The following DDAH1 variants were observed in gnomAD, a reference collection of about 807,000 sequenced individuals.
DDAH1 encodes the protein dimethylarginine dimethylaminohydrolase 1, also known as N(G),N(G)-dimethylarginine dimethylaminohydrolase 1.
A neutral mutation model predicts 28.8 loss-of-function variants in DDAH1; 19 were observed. That is an observed-to-expected ratio of 0.66 (90% CI 0.46 to 0.97). DDAH1 has a LOEUF of 0.97. Among genes scored for constraint, DDAH1 ranks in the 50% least tolerant of loss-of-function variants. The pLI, the probability that DDAH1 is intolerant of heterozygous loss-of-function variation, is 0.00. For missense variants in DDAH1, 326 were observed against 375.9 expected, an observed-to-expected ratio of 0.87 and a Z score of 1.10; for synonymous variants, 153 against 154.4, an observed-to-expected ratio of 0.99 and a Z score of 0.07.
intron 1 of DDAH1, among the ~76,000 whole-genome samples, chr1:85,545,829 T>C (rs1658605867): frequency 6.6e-6 from 1 of 152,082 alleles, no homozygotes; most frequent in South Asian, 2.1e-4. Flanking sequence ...TCCCATGTAT[T>C]GCCTACTTCT....
In DDAH1 at chr1:85,535,215, A is replaced by G. The variant is rs556535850; in HGVS notation, c.-122-38934T>C. 2.4e-4 allele frequency among the ~76,000 whole-genome samples: 37 copies of G among 152,306 alleles called. No individual in the cohort carries two copies. In the East Asian group the frequency reaches 5.8e-3, roughly 24 times the overall value. On this transcript the variant is annotated intron_variant, in intron 1 of 6. Coordinates refer to the DDAH1 transcript ENST00000426972. ...CTTCAAAATATACGTGGGGCATAAA[A>G]TAAAACACTTTGGCTTTCTTTCACC...
chr1:85,331,716 A>C (rs1647778681), intron 4 of DDAH1, among the ~76,000 whole-genome samples: 1 of 152,218 alleles, frequency 6.6e-6, no homozygotes, highest in African/African-American at 2.4e-5. Flanking sequence ...CTTTCCACAG[A>C]CTAGTTCAAA....
chr1:85,561,843 C>G (rs965802028), intron 1 of DDAH1, among the ~76,000 whole-genome samples: 1 of 152,182 alleles, frequency 6.6e-6, no homozygotes, highest in Admixed American at 6.5e-5. Context: ...GGCTACTGTT[C>G]TAATTTTGAC....
chr1:85,421,370 C>T (rs766145684), intron 1 of DDAH1, among the ~76,000 whole-genome samples: 1 of 152,180 alleles, frequency 6.6e-6, no homozygotes, highest in Admixed American at 6.5e-5. Flanking sequence ...CTCCTCCACC[C>T]GCTTCAGTGA....
upstream of DDAH1, among the ~76,000 whole-genome samples, chr1:85,466,832 C>CTTTTTTTTTTTTTTTTTT (rs10675813): frequency 4.4e-3 from 308 of 70,712 alleles, 40 homozygotes; most frequent in Non-Finnish European, 4.9e-3. Flanking sequence ...ATTATTTATT[C>CTTTTTTTTTTTTTTTTTT]TTTTTTTTTT....
At chr1:85,476,769 C>T (rs1161878601) in intron 2 of DDAH1, among the ~76,000 whole-genome samples, 1 of 152,182 alleles carries the variant, frequency 6.6e-6, no homozygotes, top group Non-Finnish European at 1.5e-5. Context: ...ACCAGTCACA[C>T]TCTTAGTATC....
At chr1:85,468,521 C>CT (rs145367827), upstream of DDAH1, among the ~76,000 whole-genome samples, 40,675 of 138,988 alleles carry the variant, frequency 0.29, 5,953 homozygotes, top group East Asian at 0.35. Flanking sequence ...GGGAACTCTC[C>CT]TTTTTTTTTT....
intron 1 of DDAH1, among the ~76,000 whole-genome samples, chr1:85,415,256 C>A (rs71652698): frequency 6.8e-4 from 103 of 152,196 alleles, no homozygotes; most frequent in Non-Finnish European, 8.1e-4. Context: ...CCTCGTGATC[C>A]ACCCACCTTG....
At chr1:85,375,071 A>C (rs1650588768) in intron 1 of DDAH1, among the ~76,000 whole-genome samples, 1 of 38,978 alleles carries the variant, frequency 2.6e-5, no homozygotes, top group South Asian at 1.4e-3. Flanking sequence ...AAAAAGCTAC[A>C]TCACAATTCA....
intron 1 of DDAH1, among the ~76,000 whole-genome samples, chr1:85,562,966 C>G (rs1659181873): frequency 6.6e-6 from 1 of 152,104 alleles, no homozygotes; most frequent in African/African-American, 2.4e-5. Context: ...TAAAACTGGA[C>G]AAATTATATA....
At chr1:85,331,361 GT>G (rs1647748771) in intron 4 of DDAH1, among the ~76,000 whole-genome samples, 1 of 151,834 alleles carries the variant, frequency 6.6e-6, no homozygotes, top group South Asian at 2.1e-4. Flanking sequence ...AGTTAGAGAT[GT>G]TTAGGGAATA....
intron 1 of DDAH1, among the ~76,000 whole-genome samples, chr1:85,403,224 AAT>A (rs199694296): frequency 0.033 from 2,615 of 80,066 alleles, 69 homozygotes; most frequent in East Asian, 0.21. Flanking sequence ...TATGTATGTG[AAT>A]ATATATGTGT....
At chr1:85,407,730 A>C (rs905198895) in intron 1 of DDAH1, among the ~76,000 whole-genome samples, 5 of 152,224 alleles carry the variant, frequency 3.3e-5, no homozygotes, top group African/African-American at 1.2e-4. Context: ...AAGGGTTATG[A>C]AACATTACCC....
At chr1:85,446,757 T>C (rs377432417) in intron 1 of DDAH1, among the ~76,000 whole-genome samples, 3 of 152,248 alleles carry the variant, frequency 2.0e-5, no homozygotes, top group South Asian at 2.1e-4. Flanking sequence ...CTTAGTGTCA[T>C]GGAGATGTAT....
At chr1:85,525,699 A>T (rs1657846611) in intron 1 of DDAH1, among the ~76,000 whole-genome samples, 1 of 152,062 alleles carries the variant, frequency 6.6e-6, no homozygotes, top group Non-Finnish European at 1.5e-5. Flanking sequence ...ATGGCGTAAC[A>T]AGTTGCTATT....
intron 4 of DDAH1, among the ~76,000 whole-genome samples, chr1:85,336,171 C>T (rs747099007): frequency 6.6e-6 from 1 of 152,064 alleles, no homozygotes; most frequent in Non-Finnish European, 1.5e-5. Flanking sequence ...ATATATGGAA[C>T]ATTTCATCCA....
At chr1:85,472,023 A>G (rs997990017) in intron 2 of DDAH1, among the ~76,000 whole-genome samples, 2 of 152,222 alleles carry the variant, frequency 1.3e-5, no homozygotes, top group African/African-American at 2.4e-5. Context: ...CTCAGAAACT[A>G]GAATCCCTCT....
intron 1 of DDAH1, among the ~76,000 whole-genome samples, chr1:85,397,210 C>T (rs1651855868): frequency 1.3e-5 from 2 of 152,060 alleles, no homozygotes; most frequent in Admixed American, 6.6e-5. Flanking sequence ...GTCTTATTGT[C>T]CTCAGTTAAT....
intron 1 of DDAH1, chr1:85,448,049 A>G (rs574412762): frequency 1.3e-5 from 2 of 152,484 alleles, no homozygotes; most frequent in East Asian, 3.9e-4. Context: ...TGTCCAACCC[A>G]TGGCCCATGG....
Sources: allele counts gnomAD v4.1 joint callset (sites outside exome capture counted in the v4.1 genomes callset), GRCh38; gene constraint gnomAD v4.1.1; transcripts MANE v1.5; gene names NCBI Gene and HGNC (gene_info 2026-07-23, HGNC 2026-07-21).